Variants in ATP8A2 observed in about 807,000 individuals in gnomAD.
The protein encoded by ATP8A2 is phospholipid-transporting ATPase IB.
A neutral mutation model predicts 165.6 loss-of-function variants in ATP8A2; 100 were observed. The observed-to-expected ratio is 0.60, with a 90% CI of 0.51 to 0.71. The LOEUF (loss-of-function observed/expected upper bound fraction) is 0.71, where lower values mean the gene tolerates loss of function less well. Among genes scored for constraint, ATP8A2 ranks in the 30% least tolerant of loss-of-function variants. The pLI, the probability that ATP8A2 is intolerant of heterozygous loss-of-function variation, is 0.00. For missense variants in ATP8A2, 1,227 were observed against 1,479.5 expected (o/e 0.83, Z 2.80); for synonymous variants, 543 against 548.8 (o/e 0.99, Z 0.15).
At chr13:25,463,548 T>C (rs2035559625) in intron 1 of ATP8A2, among the ~76,000 whole-genome samples, 1 of 152,144 alleles carries the variant, frequency 6.6e-6, no homozygotes, top group South Asian at 2.1e-4. Flanking sequence ...AAATTAGGTG[T>C]TGTCCTCACT....
At chr13:25,799,286 A>G (rs1033494917) in intron 27 of ATP8A2, among the ~76,000 whole-genome samples, 1 of 152,188 alleles carries the variant, frequency 6.6e-6, no homozygotes, top group African/African-American at 2.4e-5. Flanking sequence ...GATGATAAGA[A>G]TGCTACTTTC....
At chr13:25,399,468 G>A (rs1391127638) in intron 1 of ATP8A2, among the ~76,000 whole-genome samples, 18 of 132,786 alleles carry the variant, frequency 1.4e-4, no homozygotes, top group African/African-American at 5.0e-4. Context: ...GCGGGATCTC[G>A]GCTCACTGCA....
chr13:25,591,133 ATGTGTG>A lies in ATP8A2; in HGVS notation c.2211+1456_2211+1461del, dbSNP rs59431385. On this transcript the variant is annotated intron_variant, in intron 24 of 36. Transcript: ENST00000381655. ...GGAACCTCTCATCATTGGAAATACT[ATGTGTG>A]TGTGTGTGTGTGTGTGTGTGTAAAT... 793 of 297,552 alleles carry A rather than the reference ATGTGTG, an allele frequency of 2.7e-3. 6 individuals are homozygous for A. Among genetic ancestry groups the A allele is most frequent in the African/African-American group, 0.017 (743 of 44,212 alleles). The allele number at this position is 297,552 out of a possible 1,614,324, so 18.4% of individuals were successfully genotyped here.
At chr13:25,376,462 A>G (rs1260484562) in intron 1 of ATP8A2, among the ~76,000 whole-genome samples, 2 of 152,244 alleles carry the variant, frequency 1.3e-5, no homozygotes, top group Non-Finnish European at 2.9e-5. Flanking sequence ...AAACCCCAGA[A>G]TTTAGGGTTA....
intron 23 of ATP8A2, among the ~76,000 whole-genome samples, chr13:25,583,459 G>C (rs1033460817): frequency 1.3e-5 from 2 of 152,038 alleles, no homozygotes; most frequent in African/African-American, 4.8e-5. Flanking sequence ...GAGCGTTCCC[G>C]CTGGCCTAAT....
chr13:25,402,995 G>A (rs2033686006), intron 1 of ATP8A2, among the ~76,000 whole-genome samples: 1 of 152,110 alleles, frequency 6.6e-6, no homozygotes, highest in Admixed American at 6.6e-5. Context: ...AAATAGGATG[G>A]ACTCATTCCC....
rs569027393 is a variant in ATP8A2 at position 25,751,099 on chromosome 13, T to G, written c.2385-17947T>G. On this transcript the variant is annotated intron_variant, in intron 25 of 36. Coordinates refer to ENST00000381655, the MANE Select transcript of ATP8A2 (RefSeq NM_016529.6). Reference sequence around the variant, plus strand: ...TGCAAATGTGATTTATTTGGTGGGTTTCCTGATTCTCCTACAAGGAGATTC... The same window carrying G: ...TGCAAATGTGATTTATTTGGTGGGTGTCCTGATTCTCCTACAAGGAGATTC... 3.9e-5 allele frequency among the ~76,000 whole-genome samples: 6 copies of G among 152,328 alleles called. No individual in the cohort carries two copies. In the South Asian group the frequency reaches 1.2e-3, roughly 32 times the overall value.
At chr13:25,776,166 A>G (rs948640202) in intron 27 of ATP8A2, among the ~76,000 whole-genome samples, 1 of 152,244 alleles carries the variant, frequency 6.6e-6, no homozygotes, top group Non-Finnish European at 1.5e-5. Context: ...TCTAAGTTGC[A>G]CAAGGGCCAG....
intron 27 of ATP8A2, among the ~76,000 whole-genome samples, chr13:25,807,459 T>A (rs966087069): frequency 2.6e-5 from 4 of 152,220 alleles, no homozygotes; most frequent in African/African-American, 9.6e-5. Flanking sequence ...TCCTATTGAA[T>A]TGTCTTGGTA....
intron 24 of ATP8A2, among the ~76,000 whole-genome samples, chr13:25,590,582 T>G (rs2138299160): frequency 6.6e-6 from 1 of 152,008 alleles, no homozygotes; most frequent in South Asian, 2.1e-4. Context: ...ACCTGTGAAG[T>G]GGTTTGATAT....
chr13:25,818,818 T>C (rs1401433021), intron 27 of ATP8A2, among the ~76,000 whole-genome samples: 2 of 152,166 alleles, frequency 1.3e-5, no homozygotes, highest in Non-Finnish European at 2.9e-5. Flanking sequence ...ATCCTAGGTG[T>C]ACGATATTGA....
chr13:25,960,565 T>G (rs1955636509), intron 33 of ATP8A2, among the ~76,000 whole-genome samples: 1 of 152,172 alleles, frequency 6.6e-6, no homozygotes, highest in Admixed American at 6.5e-5. Flanking sequence ...CACACTAACT[T>G]GAGTCCCTTT....
chr13:25,605,186 T>C (rs1000216530), intron 24 of ATP8A2, among the ~76,000 whole-genome samples: 3 of 152,218 alleles, frequency 2.0e-5, no homozygotes, highest in African/African-American at 7.2e-5. Context: ...AACTTTATTC[T>C]GTGGTCAAAT....
chr13:25,982,674 G>A (rs769428728), intron 35 of ATP8A2, among the ~76,000 whole-genome samples: 6 of 152,182 alleles, frequency 3.9e-5, no homozygotes, highest in Non-Finnish European at 7.3e-5. Context: ...CTGCTGTGGC[G>A]TCAAGGTTTT....
intron 33 of ATP8A2, among the ~76,000 whole-genome samples, chr13:25,917,270 G>A (rs920405130): frequency 2.0e-5 from 3 of 152,152 alleles, no homozygotes; most frequent in African/African-American, 7.2e-5. Context: ...AATGAGATTA[G>A]CCTGGTTTTC....
chr13:25,651,480 G>T (rs956141257), intron 24 of ATP8A2, among the ~76,000 whole-genome samples: 1 of 151,834 alleles, frequency 6.6e-6, no homozygotes, highest in Non-Finnish European at 1.5e-5. Flanking sequence ...TTTCTTAGAA[G>T]TCAGGCTGTT....
intron 33 of ATP8A2, among the ~76,000 whole-genome samples, chr13:25,914,592 A>T (rs1025168332): frequency 6.6e-6 from 1 of 152,102 alleles, no homozygotes; most frequent in Admixed American, 6.6e-5. Context: ...TCAAATCCAC[A>T]TTCTCAATGC....
chr13:25,820,489 G>GTAAAA (rs1334071152), intron 27 of ATP8A2, among the ~76,000 whole-genome samples: 1 of 152,146 alleles, frequency 6.6e-6, no homozygotes, highest in Non-Finnish European at 1.5e-5. Context: ...TAGTCCAAGA[G>GTAAAA]TAAAATTTAG....
intron 25 of ATP8A2, among the ~76,000 whole-genome samples, chr13:25,761,771 A>C (rs1191152324): frequency 6.6e-6 from 1 of 151,892 alleles, no homozygotes; most frequent in Non-Finnish European, 1.5e-5. Flanking sequence ...GACTACTTGT[A>C]AATGTTTGGT....
Sources: gnomAD v4.1 joint callset for allele counts (sites outside exome capture counted in the v4.1 genomes callset) on GRCh38, gnomAD v4.1.1 for gene constraint, MANE v1.5 for transcripts, NCBI Gene and HGNC (gene_info 2026-07-23, HGNC 2026-07-21) for gene names.